Variants in INTU observed in about 807,000 individuals in gnomAD.
INTU encodes the protein protein inturned.
A neutral mutation model predicts 100.5 loss-of-function variants in INTU; 68 were observed. The ratio of observed to expected loss-of-function variants is 0.68; its 90% CI spans 0.56 to 0.83. INTU has a LOEUF of 0.83. Ranked by LOEUF, INTU falls within the 40% of genes least tolerant of loss-of-function variation. INTU has a pLI of 0.00. For missense variants in INTU, 1,071 were observed against 1,114.7 expected (o/e 0.96, Z 0.56); for synonymous variants, 357 against 395.7 (o/e 0.90, Z 1.16).
chr4:127,711,699 C>T (rs762752377), intron 14 of INTU, among the ~76,000 whole-genome samples: 3 of 152,158 alleles, frequency 2.0e-5, no homozygotes, highest in Non-Finnish European at 4.4e-5. Flanking sequence ...GGGATCTAGG[C>T]TGTGCACTTC....
chr4:127,646,210 A>G (rs1037769169), intron 2 of INTU, among the ~76,000 whole-genome samples: 4 of 150,620 alleles, frequency 2.7e-5, no homozygotes, highest in African/African-American at 9.8e-5. Context: ...AATTGTTTGG[A>G]TGACTTATTA....
chr4:127,633,615 T>C (rs1037548730), intron 1 of INTU, among the ~76,000 whole-genome samples: 5 of 152,180 alleles, frequency 3.3e-5, no homozygotes, highest in African/African-American at 1.2e-4. Context: ...GTTAAATTTA[T>C]GTAGATTTTT....
At chr4:127,666,076 T>G (rs146368663) in intron 4 of INTU, among the ~76,000 whole-genome samples, 7 of 152,342 alleles carry the variant, frequency 4.6e-5, no homozygotes, top group African/African-American at 1.4e-4. Flanking sequence ...TGTTCAGCTT[T>G]TAGTATTCTG....
rs1393947944 is a variant in INTU, at chr4:127,720,035, T to C, written c.*3599T>C. ...GTCTTCTGCTGGCTTTTGGGTTTGT[T>C]TGCTCTTGGTTCACTAGTTCTTTTA... On this transcript the variant is annotated 3_prime_UTR_variant, in exon 16 of 16. Transcript: ENST00000335251. 2.6e-5 allele frequency: 4 copies of C among 152,184 alleles called. No homozygotes were observed. Among genetic ancestry groups the C allele is most frequent in the Non-Finnish European group, 5.9e-5 (4 of 68,024 alleles). The allele number at this position is 152,184 out of a possible 1,614,324, so 9.4% of individuals were successfully genotyped here.
chr4:127,681,457 C>G (rs2126223857), intron 6 of INTU, among the ~76,000 whole-genome samples: 1 of 152,234 alleles, frequency 6.6e-6, no homozygotes, highest in South Asian at 2.1e-4. Flanking sequence ...CTCATATCTA[C>G]AACTATCTGA....
At chr4:127,702,871 A>G (rs906035162) in intron 9 of INTU, among the ~76,000 whole-genome samples, 3 of 152,040 alleles carry the variant, frequency 2.0e-5, no homozygotes, top group Non-Finnish European at 4.4e-5. Context: ...AGGATGTAAT[A>G]TAAAGTGAAT....
rs1470424362 is a variant in INTU, at chr4:127,718,738, T to G, written c.*2302T>G. ...TGTATTCCTAGGTATTTTATTCTCT[T>G]TGAAGCAATTGTGAGTAGGAGTTCA... is the stretch of plus-strand genomic sequence containing the variant. On this transcript the variant is annotated 3_prime_UTR_variant, in exon 16 of 16. Transcript: ENST00000335251. 1 of 152,188 alleles carries G rather than the reference T, an allele frequency of 6.6e-6. No homozygotes were observed. Among genetic ancestry groups the G allele is most frequent in the Admixed American group, 6.5e-5 (1 of 15,280 alleles). The allele number at this position is 152,188 out of a possible 1,614,324, so 9.4% of individuals were successfully genotyped here.
intron 8 of INTU, among the ~76,000 whole-genome samples, chr4:127,692,810 C>T (rs543712796): frequency 1.3e-5 from 2 of 152,310 alleles, no homozygotes; most frequent in East Asian, 3.9e-4. Context: ...CTGTGGCTTG[C>T]CAACCACCCC....
chr4:127,656,805 G>A (rs536029890), intron 3 of INTU, 84 bp downstream of exon 3: 40 of 790,462 alleles, frequency 5.1e-5, no homozygotes, highest in Middle Eastern at 3.7e-4. Flanking sequence ...CTTTTTAAGC[G>A]TCTGAAAAGT....
At position 127,721,222 on chromosome 4, in the gene INTU, A is replaced by AC. The variant is rs1731341450; in HGVS notation, c.*4787dup. On this transcript the variant is annotated 3_prime_UTR_variant, in exon 16 of 16. Coordinates refer to ENST00000335251, the MANE Select transcript of INTU (RefSeq NM_015693.4). Reference sequence around the variant, plus strand: ...CTGAAAAAGATTTTATTTCTCCTTCACTTATGAAGCTTAGTTCAGCCAGAT... The same window carrying AC: ...CTGAAAAAGATTTTATTTCTCCTTCACCTTATGAAGCTTAGTTCAGCCAGAT... The AC allele has an allele frequency of 6.6e-6, 1 of 152,008 alleles. No homozygotes were observed. Among genetic ancestry groups the AC allele is most frequent in the African/African-American group, 2.4e-5 (1 of 41,380 alleles). 9.4% of individuals were successfully genotyped at this position (152,008 alleles called of 1,614,324 possible).
At chr4:127,675,292 C>A (rs913640672) in intron 6 of INTU, among the ~76,000 whole-genome samples, 3 of 152,106 alleles carry the variant, frequency 2.0e-5, no homozygotes, top group African/African-American at 7.2e-5. Flanking sequence ...TCAGAGAATA[C>A]CAGTTGAGAT....
chr4:127,679,199 C>G (rs1275135364), intron 6 of INTU, among the ~76,000 whole-genome samples: 1 of 152,116 alleles, frequency 6.6e-6, no homozygotes, highest in Non-Finnish European at 1.5e-5. Context: ...ATCAATGAGA[C>G]AGAAAGTTAA....
intron 8 of INTU, among the ~76,000 whole-genome samples, chr4:127,693,646 G>T (rs1730254737): frequency 1.3e-5 from 2 of 152,106 alleles, no homozygotes; most frequent in African/African-American, 2.4e-5. Flanking sequence ...TCCTTGTCTT[G>T]TTCCAGTTCT....
chr4:127,642,043 A>G (rs1328083823), intron 1 of INTU, among the ~76,000 whole-genome samples: 2 of 151,220 alleles, frequency 1.3e-5, no homozygotes, highest in Non-Finnish European at 1.5e-5. Flanking sequence ...AAATTGATAC[A>G]TATGTTTTTA....
rs1560626733 is a variant in INTU, at chr4:127,725,825, A to AGTTT, written c.*9390_*9391insTTTG. On this transcript the variant is annotated 3_prime_UTR_variant, in exon 16 of 16. Coordinates refer to ENST00000335251, the MANE Select transcript of INTU (RefSeq NM_015693.4). ...TCATTTCTAAATGGATATTGAACTA[A>AGTTT]GCTCTGAAGGCAAACTTAGCTGCCT... 6.6e-6 allele frequency: 1 copy of AGTTT among 152,216 alleles called. No homozygotes were observed. The highest frequency in any genetic ancestry group is 1.5e-5 in the Non-Finnish European group (1 of 68,040). 9.4% of individuals were successfully genotyped at this position (152,216 alleles called of 1,614,324 possible). A position where few individuals can be genotyped will look rare whatever the true frequency, so the allele number is the denominator to read the frequency against.
In INTU at chr4:127,669,113, CTG is replaced by C. The variant is rs779685404; in HGVS notation, c.1053_1054del (p.Cys351Ter). ...GTGTGAGAGGGATTTTTCTCACACT[CTG>C]TGACATGCTGGAAAACGTAACTGGG... ...KSVRGIFLTLCDMLENVTGTQ... is the reference protein window; with the variant it reads ...KSVRGIFLTLXDMLENVTGTQ... On this transcript the variant is annotated frameshift_variant, in exon 5 of 16. Coordinates refer to ENST00000335251, the MANE Select transcript of INTU (RefSeq NM_015693.4). LOFTEE classifies it high-confidence loss of function. The C allele has an allele frequency of 1.9e-6, 3 of 1,543,614 alleles. No homozygotes were observed. Among genetic ancestry groups the C allele is most frequent in the Admixed American group, 1.8e-5 (1 of 55,212 alleles).
rs545657813 is a variant in INTU, at chr4:127,676,562, G to C, written c.1181+2349G>C. On this transcript the variant is annotated intron_variant, in intron 6 of 15. Coordinates refer to ENST00000335251, the MANE Select transcript of INTU (RefSeq NM_015693.4). ...GATGCTGCCACTGTACTCCAGCCTG[G>C]GTGACAGAGCAAGACAATGTCTCAA... Among the ~76,000 whole-genome samples the C allele has an allele frequency of 2.0e-5, 3 of 150,856 alleles. No homozygotes were observed. The East Asian group carries it at 5.8e-4, about 29-fold the overall frequency.
chr4:127,654,536 T>C (rs969918839), intron 2 of INTU, among the ~76,000 whole-genome samples: 1 of 152,204 alleles, frequency 6.6e-6, no homozygotes, highest in South Asian at 2.1e-4. Context: ...TCTTTAAGAA[T>C]GTTGAATATT....
At chr4:127,689,659 A>G (rs982955333) in intron 8 of INTU, among the ~76,000 whole-genome samples, 26 of 151,912 alleles carry the variant, frequency 1.7e-4, no homozygotes, top group Admixed American at 3.9e-4. Flanking sequence ...ATGAGACCCT[A>G]TCTCAGGAAA....
Sources: gnomAD v4.1 joint callset for allele counts (sites outside exome capture counted in the v4.1 genomes callset) on GRCh38, gnomAD v4.1.1 for gene constraint, MANE v1.5 for transcripts, NCBI Gene and HGNC (gene_info 2026-07-23, HGNC 2026-07-21) for gene names.